GRID1: variants seen among roughly 807,000 people sequenced by gnomAD.
GRID1 encodes the protein glutamate receptor ionotropic, delta-1.
Under a neutral mutation model 98.0 loss-of-function variants are expected in GRID1, and 28 were observed. The ratio of observed to expected loss-of-function variants is 0.29; its 90% CI spans 0.21 to 0.39. The LOEUF (loss-of-function observed/expected upper bound fraction) is 0.39, where lower values mean the gene tolerates loss of function less well. Among genes scored for constraint, GRID1 ranks in the 10% least tolerant of loss-of-function variants. The probability of loss-of-function intolerance (pLI) is 1.00; values close to 1 mark genes in which losing one functional copy is unlikely to be tolerated. For synonymous variants in GRID1, 553 were observed against 538.5 expected (o/e 1.03, Z -0.37); for missense variants, 1,111 against 1,340.5 (o/e 0.83, Z 2.67).
chr10:86,244,928 A>AT (rs562544333), intron 2 of GRID1, among the ~76,000 whole-genome samples: 254 of 152,210 alleles, frequency 1.7e-3, no homozygotes, highest in African/African-American at 5.6e-3. Flanking sequence ...AGCCCAAAAG[A>AT]TTTTTTCCCC....
chr10:85,810,612 AC>A (rs1430274983), intron 8 of GRID1, among the ~76,000 whole-genome samples: 20 of 152,068 alleles, frequency 1.3e-4, no homozygotes, highest in Admixed American at 1.1e-3. Flanking sequence ...AGCTGACCTA[AC>A]TACCATGCAC....
chr10:86,286,247 G>C (rs1309034399), intron 2 of GRID1, among the ~76,000 whole-genome samples: 1 of 152,108 alleles, frequency 6.6e-6, no homozygotes, highest in Non-Finnish European at 1.5e-5. Flanking sequence ...CCTATAAAGG[G>C]ACAGATATTT....
chr10:85,976,792 C>A (rs1333885268), intron 4 of GRID1, among the ~76,000 whole-genome samples: 1 of 152,226 alleles, frequency 6.6e-6, no homozygotes, highest in Non-Finnish European at 1.5e-5. Context: ...AAAATTCTGC[C>A]TTCAGGACTG....
At chr10:86,172,340 C>T (rs527245582) in intron 3 of GRID1, among the ~76,000 whole-genome samples, 1 of 152,330 alleles carries the variant, frequency 6.6e-6, no homozygotes, top group East Asian at 1.9e-4. Flanking sequence ...TACTTCATTA[C>T]TTTTTGTGGC....
At chr10:86,173,573 T>TTTTAA (rs777722321) in intron 3 of GRID1, among the ~76,000 whole-genome samples, 4 of 28,844 alleles carry the variant, frequency 1.4e-4, no homozygotes, top group Admixed American at 5.3e-4. Context: ...CTTTTCTTTT[T>TTTTAA]TTTTATTTTA....
chr10:85,899,348 T>A (rs1841345536), intron 5 of GRID1, among the ~76,000 whole-genome samples: 2 of 152,228 alleles, frequency 1.3e-5, no homozygotes, highest in African/African-American at 4.8e-5. Flanking sequence ...CATATCTTGC[T>A]ATTGTGAATA....
At chr10:85,830,689 T>C (rs904587400) in intron 8 of GRID1, among the ~76,000 whole-genome samples, 2 of 152,086 alleles carry the variant, frequency 1.3e-5, no homozygotes, top group African/African-American at 4.8e-5. Context: ...GATATGCACA[T>C]AGCTAACAAG....
At chr10:86,033,840 A>T (rs1247353135) in intron 4 of GRID1, among the ~76,000 whole-genome samples, 2 of 152,242 alleles carry the variant, frequency 1.3e-5, no homozygotes, top group Non-Finnish European at 2.9e-5. Context: ...AACCAGCTCC[A>T]GTGTTAAACA....
chr10:86,212,132 G>A (rs564553357), intron 2 of GRID1, among the ~76,000 whole-genome samples: 12 of 152,338 alleles, frequency 7.9e-5, no homozygotes, highest in African/African-American at 2.9e-4. Flanking sequence ...CTCAGAACAA[G>A]GCTGTGGGAA....
chr10:85,800,160 C>CAA (rs55648626), intron 8 of GRID1, among the ~76,000 whole-genome samples: 11 of 146,724 alleles, frequency 7.5e-5, no homozygotes, highest in African/African-American at 1.7e-4. Flanking sequence ...TATAGAATTA[C>CAA]AAAAAAAAAA....
chr10:85,692,273 AAC>A (rs1364124080), intron 12 of GRID1, among the ~76,000 whole-genome samples: 2 of 152,202 alleles, frequency 1.3e-5, no homozygotes, highest in Non-Finnish European at 2.9e-5. Context: ...AAATGAATGG[AAC>A]ACAGTTTTTA....
chr10:85,829,806 C>A lies in GRID1; in HGVS notation c.1233+24690G>T, dbSNP rs554641150. ...CAACCCAAAGAAATCCAAGATGACA[C>A]AAACAAACAGAAAAATATCCTATGC... On this transcript the variant is annotated intron_variant, in intron 8 of 15. Transcript: ENST00000327946. 6.0e-5 allele frequency among the ~76,000 whole-genome samples: 9 copies of A among 150,424 alleles called. No homozygotes were observed. The South Asian group carries it at 1.9e-3, about 31-fold the overall frequency.
chr10:85,911,179 C>A (rs1291669553), intron 5 of GRID1, among the ~76,000 whole-genome samples: 2 of 152,136 alleles, frequency 1.3e-5, no homozygotes, highest in African/African-American at 4.8e-5. Context: ...CAGTCTTTTT[C>A]TTTTATCATG....
intron 2 of GRID1, among the ~76,000 whole-genome samples, chr10:86,217,382 T>C (rs1381316609): frequency 6.6e-6 from 1 of 152,206 alleles, no homozygotes; most frequent in Non-Finnish European, 1.5e-5. Flanking sequence ...ATGTAAAAAG[T>C]TTAGAATAAC....
At chr10:85,631,611 AT>A (rs1395217773) in intron 13 of GRID1, among the ~76,000 whole-genome samples, 1 of 152,258 alleles carries the variant, frequency 6.6e-6, no homozygotes, top group East Asian at 1.9e-4. Flanking sequence ...AAAATCTGCA[AT>A]TGTACACTAT....
chr10:86,069,248 A>T (rs1843763026), intron 4 of GRID1, among the ~76,000 whole-genome samples: 1 of 151,900 alleles, frequency 6.6e-6, no homozygotes, highest in Non-Finnish European at 1.5e-5. Flanking sequence ...TGCCAAGGGG[A>T]GGTGATGTGA....
chr10:86,216,147 A>G (rs1846174349), intron 2 of GRID1, among the ~76,000 whole-genome samples: 2 of 152,114 alleles, frequency 1.3e-5, no homozygotes, highest in Non-Finnish European at 2.9e-5. Context: ...AAAGTTAACC[A>G]TTCCTTTTCC....
At chr10:85,921,509 G>C (rs1193041416) in intron 4 of GRID1, among the ~76,000 whole-genome samples, 1 of 152,204 alleles carries the variant, frequency 6.6e-6, no homozygotes, top group Non-Finnish European at 1.5e-5. Context: ...GGACATTTGG[G>C]TCCTGCCCTG....
intron 5 of GRID1, among the ~76,000 whole-genome samples, chr10:85,894,991 C>A (rs114472379): frequency 0.013 from 1,514 of 112,790 alleles, 27 homozygotes; most frequent in African/African-American, 0.048. Flanking sequence ...CTTCAACAAA[C>A]TGGGACTCTC....
Sources: gnomAD v4.1 joint callset for allele counts (sites outside exome capture counted in the v4.1 genomes callset) on GRCh38, gnomAD v4.1.1 for gene constraint, MANE v1.5 for transcripts, NCBI Gene and HGNC (gene_info 2026-07-23, HGNC 2026-07-21) for gene names.